Variants in MYO10 observed in about 807,000 individuals in gnomAD.
The protein encoded by MYO10 is unconventional myosin-X.
Under a neutral mutation model 257.3 loss-of-function variants are expected in MYO10, and 133 were observed. That is an observed-to-expected ratio of 0.52 (90% CI 0.45 to 0.60). The LOEUF is 0.60. MYO10 is among the 20% of genes least tolerant of loss of function. MYO10 has a pLI of 0.00. For synonymous variants in MYO10, 1,104 were observed against 1,028.6 expected (o/e 1.07, Z -1.40); for missense variants, 2,399 against 2,635.7 (o/e 0.91, Z 1.97).
chr5:16,782,028 A>T lies in MYO10; in HGVS notation c.603-199T>A, dbSNP rs1480150070. On this transcript the variant is annotated intron_variant, in intron 5 of 40. Transcript: ENST00000513610. ...ATGGGCTTATCTGCATATCCATCTT[A>T]GTGAGCGTAGCTGTGCTGCCAAGGG... Among the ~76,000 whole-genome samples the T allele has an allele frequency of 3.3e-5, 5 of 152,348 alleles. No individual in the cohort carries two copies. The East Asian group carries it at 9.6e-4, about 29-fold the overall frequency.
At chr5:16,703,725 T>C (rs1738195273) in intron 22 of MYO10, among the ~76,000 whole-genome samples, 1 of 151,560 alleles carries the variant, frequency 6.6e-6, no homozygotes, top group Non-Finnish European at 1.5e-5. Flanking sequence ...CTACTAAAAA[T>C]ACAAAAATTA....
rs758775222 is a variant in MYO10 at position 16,670,888 on chromosome 5, C to G, written c.5521G>C (p.Asp1841His). Residue 1841 changes from aspartate to histidine, a missense_variant, in exon 39 of 41, where the codon GAT (aspartate) becomes CAT (histidine). Asp to His is a moderately conservative substitution (Grantham distance 81, BLOSUM62 -1). Around this residue, in one of 3 missense-constraint regions of MYO10, gnomAD observed 1,820 missense variants for 1,939.4 expected, o/e 0.94. Coordinates refer to ENST00000513610, the MANE Select transcript of MYO10 (RefSeq NM_012334.3). ...GGGATGGCAGCGTGCAGAGTATAAT[C>G]CCCCTGCAGATACTGGAGTCGCAGG... ...AALRLQYLQG[D>H]YTLHAAIPPL... 3 of 1,613,886 alleles carry G rather than the reference C, an allele frequency of 1.9e-6. No individual in the cohort carries two copies. The highest frequency in any genetic ancestry group is 2.2e-5 in the South Asian group (2 of 91,076).
At chr5:16,854,829 C>T (rs1034924645) in intron 2 of MYO10, among the ~76,000 whole-genome samples, 3 of 151,978 alleles carry the variant, frequency 2.0e-5, no homozygotes, top group Non-Finnish European at 4.4e-5. Flanking sequence ...GTCAGGAGTT[C>T]GAGACCAGCC....
chr5:16,758,949 T>G lies in MYO10; in HGVS notation c.1740-723A>C, dbSNP rs375152501. Among the ~76,000 whole-genome samples, 256 of 152,014 alleles carry G rather than the reference T, an allele frequency of 1.7e-3. 1 individual carries two copies. Among genetic ancestry groups the G allele is most frequent in the African/African-American group, 5.8e-3 (242 of 41,488 alleles). On this transcript the variant is annotated intron_variant, in intron 17 of 40. Transcript: ENST00000513610. ...AATAATTTTTTTTTTTTAGACAGAG[T>G]TTCGCTCTTTCACCCAGGCTGGAGT...
chr5:16,875,843 G>A (rs1005460543), intron 2 of MYO10, among the ~76,000 whole-genome samples: 3 of 152,082 alleles, frequency 2.0e-5, no homozygotes, highest in African/African-American at 4.8e-5. Flanking sequence ...ATGTGGTTTT[G>A]GCCAGGGATG....
intron 3 of MYO10, among the ~76,000 whole-genome samples, chr5:16,809,137 T>A (rs2126695523): frequency 6.6e-6 from 1 of 151,962 alleles, no homozygotes; most frequent in African/African-American, 2.4e-5. Flanking sequence ...GTTACAATCA[T>A]CTTTTGGCTA....
intron 2 of MYO10, among the ~76,000 whole-genome samples, chr5:16,834,016 C>G (rs1178136383): frequency 6.6e-6 from 1 of 151,964 alleles, no homozygotes; most frequent in Admixed American, 6.6e-5. Flanking sequence ...CTCTGCCAGG[C>G]CCCCCCGAAC....
intron 19 of MYO10, among the ~76,000 whole-genome samples, chr5:16,718,119 T>A (rs908888277): frequency 3.3e-5 from 5 of 152,222 alleles, no homozygotes; most frequent in Non-Finnish European, 5.9e-5. Flanking sequence ...GAGGGTGTAC[T>A]GGGTCCCCAG....
chr5:16,751,648 ATTTTTT>A (rs770395712), intron 19 of MYO10, among the ~76,000 whole-genome samples: 1 of 140,876 alleles, frequency 7.1e-6, no homozygotes, highest in Non-Finnish European at 1.6e-5. Flanking sequence ...AACCTGGCTA[ATTTTTT>A]TTTTTTTTTT....
At chr5:16,754,664 G>A (rs768292735) in intron 19 of MYO10, among the ~76,000 whole-genome samples, 164 bp downstream of exon 19, 3 of 152,084 alleles carry the variant, frequency 2.0e-5, no homozygotes, top group Non-Finnish European at 4.4e-5. Flanking sequence ...AGGCCCAAGG[G>A]ACAAAGGGAA....
intron 9 of MYO10, among the ~76,000 whole-genome samples, chr5:16,772,415 G>A (rs1279592587): frequency 1.3e-5 from 2 of 152,234 alleles, no homozygotes; most frequent in Non-Finnish European, 2.9e-5. Flanking sequence ...TTATAGGCGT[G>A]AGCCACGGCG....
intron 19 of MYO10, among the ~76,000 whole-genome samples, chr5:16,728,468 A>G (rs1739456982): frequency 6.6e-6 from 1 of 152,100 alleles, no homozygotes; most frequent in African/African-American, 2.4e-5. Context: ...TTGCTGCAAA[A>G]AGGGAACCCC....
chr5:16,745,259 G>A (rs570351879), intron 19 of MYO10, among the ~76,000 whole-genome samples: 4 of 152,310 alleles, frequency 2.6e-5, no homozygotes, highest in Non-Finnish European at 5.9e-5. Flanking sequence ...AGAATTGCTT[G>A]AACCCGGGGG....
At chr5:16,720,328 TTTATGTC>T (rs982148903) in intron 19 of MYO10, among the ~76,000 whole-genome samples, 4 of 152,228 alleles carry the variant, frequency 2.6e-5, no homozygotes, top group African/African-American at 9.6e-5. Context: ...TTTTGAAGAC[TTTATGTC>T]TTATAAGACC....
At chr5:16,678,912 G>A (rs1736855674) in intron 33 of MYO10, among the ~76,000 whole-genome samples, 1 of 152,144 alleles carries the variant, frequency 6.6e-6, no homozygotes, top group Admixed American at 6.5e-5. Flanking sequence ...ACTTGGTTCT[G>A]CACCCGGGAC....
At chr5:16,926,678 G>A (rs1746140913) in intron 1 of MYO10, among the ~76,000 whole-genome samples, 1 of 149,280 alleles carries the variant, frequency 6.7e-6, no homozygotes, top group East Asian at 2.0e-4. Flanking sequence ...CTCCAGCCTG[G>A]GCGAAAGAGG....
chr5:16,822,355 T>C (rs957695569), intron 2 of MYO10, among the ~76,000 whole-genome samples: 4 of 152,176 alleles, frequency 2.6e-5, no homozygotes, highest in Non-Finnish European at 5.9e-5. Context: ...TTTTAAACAT[T>C]GTTTGGCTGG....
At position 16,678,708 on chromosome 5, in the gene MYO10, T is replaced by TG. The variant is rs540196752; in HGVS notation, c.4542+1238dup. Reference sequence around the variant, plus strand: ...TTGATGGAAAATTATCCACCACTGATGGATTAGATCCTCTCCCACCTCCAC... The same window carrying TG: ...TTGATGGAAAATTATCCACCACTGATGGGATTAGATCCTCTCCCACCTCCAC... On this transcript the variant is annotated intron_variant, in intron 33 of 40. Coordinates refer to ENST00000513610, the MANE Select transcript of MYO10 (RefSeq NM_012334.3). 6.9e-3 allele frequency among the ~76,000 whole-genome samples: 1,052 copies of TG among 152,350 alleles called. 8 individuals are homozygous for TG. Among genetic ancestry groups the TG allele is most frequent in the South Asian group, 0.02 (95 of 4,832 alleles).
At chr5:16,895,352 G>A (rs537171353) in intron 1 of MYO10, among the ~76,000 whole-genome samples, 1 of 152,296 alleles carries the variant, frequency 6.6e-6, no homozygotes, top group East Asian at 1.9e-4. Context: ...GGAGGCTGAC[G>A]TCTGAGGTCT....
Sources: gnomAD v4.1 joint callset for allele counts (sites outside exome capture counted in the v4.1 genomes callset) on GRCh38, gnomAD v4.1.1 for gene constraint, gnomAD v4.1.1 regional missense constraint, MANE v1.5 for transcripts, NCBI Gene and HGNC (gene_info 2026-07-23, HGNC 2026-07-21) for gene names.